PNOC: variants seen among roughly 807,000 people sequenced by gnomAD.
The protein encoded by PNOC is prepronociceptin.
In PNOC, 10 loss-of-function variants were observed where a neutral mutation model predicts 15.6. The observed-to-expected ratio is 0.64, with a 90% CI of 0.40 to 1.09. The LOEUF (loss-of-function observed/expected upper bound fraction) is 1.09. Ranked by LOEUF, PNOC falls within the 50% of genes least tolerant of loss-of-function variation. The probability of loss-of-function intolerance (pLI) is 0.01; values close to 1 mark genes in which losing one functional copy is unlikely to be tolerated. For synonymous variants in PNOC, 98 were observed against 88.5 expected, an observed-to-expected ratio of 1.11 and a Z score of -0.60; for missense variants, 220 against 223.9, an observed-to-expected ratio of 0.98 and a Z score of 0.11.
intron 2 of PNOC, among the ~76,000 whole-genome samples, chr8:28,330,917 G>A (rs746014079): frequency 3.3e-5 from 5 of 151,986 alleles, no homozygotes; most frequent in Non-Finnish European, 5.9e-5. Context: ...TTACTTTATA[G>A]TCAAATAACT....
chr8:28,320,280 G>A (rs775192328), intron 1 of PNOC, among the ~76,000 whole-genome samples: 4 of 150,962 alleles, frequency 2.6e-5, no homozygotes, highest in Non-Finnish European at 4.4e-5. Context: ...ACACTGGCCT[G>A]CAATCTTCCC....
intron 2 of PNOC, among the ~76,000 whole-genome samples, chr8:28,332,770 G>A (rs887860327): frequency 1.3e-5 from 2 of 152,278 alleles, no homozygotes; most frequent in African/African-American, 2.4e-5. Context: ...GGCCAACAAG[G>A]CGAAACCCTG....
chr8:28,339,472 C>A lies in PNOC; in HGVS notation c.*28C>A, dbSNP rs374441021. The stretch of plus-strand genomic sequence containing the variant: ...GGAAGGGGCGCTCCTCCCAGCTGTA[C>A]CGGCCACTGCAACCCATGAGTGAGT... On this transcript the variant is annotated 3_prime_UTR_variant, in exon 3 of 4. Coordinates refer to ENST00000301908, the MANE Select transcript of PNOC (RefSeq NM_006228.5). 9.3e-6 allele frequency: 14 copies of A among 1,507,868 alleles called. No individual in the cohort carries two copies. Among genetic ancestry groups the A allele is most frequent in the African/African-American group, 1.4e-5 (1 of 71,700 alleles). The allele number at this position is 1,507,868 out of a possible 1,614,324, so 93.4% of individuals were successfully genotyped here.
chr8:28,322,939 A>C (rs1801172437), intron 1 of PNOC, among the ~76,000 whole-genome samples: 1 of 152,224 alleles, frequency 6.6e-6, no homozygotes, highest in African/African-American at 2.4e-5. Context: ...ATGAATATAA[A>C]ATTTTTTGGT....
At chr8:28,318,990 G>A (rs184039038) in intron 1 of PNOC, among the ~76,000 whole-genome samples, 111 of 152,358 alleles carry the variant, frequency 7.3e-4, no homozygotes, top group Non-Finnish European at 1.5e-3. Context: ...CAATCAGGTA[G>A]TTACCGTCTA....
At chr8:28,337,022 A>T (rs1347754923) in intron 2 of PNOC, among the ~76,000 whole-genome samples, 1 of 152,150 alleles carries the variant, frequency 6.6e-6, no homozygotes, top group Admixed American at 6.5e-5. Flanking sequence ...ATCTAAAGTG[A>T]CAGCGGCTGA....
chr8:28,317,696 G>A (rs546458736), intron 1 of PNOC, among the ~76,000 whole-genome samples: 22 of 152,130 alleles, frequency 1.4e-4, no homozygotes, highest in African/African-American at 4.6e-4. Flanking sequence ...TGCCTTCCAC[G>A]GGGCGGCCCC....
At chr8:28,320,850 C>CAAAA (rs900121827) in intron 1 of PNOC, among the ~76,000 whole-genome samples, 5 of 57,996 alleles carry the variant, frequency 8.6e-5, no homozygotes, top group African/African-American at 6.5e-5. Context: ...GACTCCATCT[C>CAAAA]AAAAAAAAAA....
chr8:28,320,401 G>C (rs961505997), intron 1 of PNOC, among the ~76,000 whole-genome samples: 1 of 152,060 alleles, frequency 6.6e-6, no homozygotes, highest in Non-Finnish European at 1.5e-5. Context: ...TGGCCAGAGC[G>C]CTGGCTTCCT....
At chr8:28,331,760 A>G (rs940339977) in intron 2 of PNOC, among the ~76,000 whole-genome samples, 2 of 152,230 alleles carry the variant, frequency 1.3e-5, no homozygotes, top group African/African-American at 4.8e-5. Context: ...ACCCCAGTGG[A>G]GTGGGCCCTC....
chr8:28,330,560 C>CTTTTTTTTTTTTTTT (rs34364812), intron 2 of PNOC, among the ~76,000 whole-genome samples: 3 of 105,050 alleles, frequency 2.9e-5, no homozygotes, highest in Non-Finnish European at 5.9e-5. Flanking sequence ...CACCCGGCTA[C>CTTTTTTTTTTTTTTT]TTTTTTTTTT....
chr8:28,329,760 G>C (rs1801291178), intron 2 of PNOC, among the ~76,000 whole-genome samples: 2 of 151,528 alleles, frequency 1.3e-5, no homozygotes, highest in African/African-American at 4.9e-5. Flanking sequence ...ACTAACCATG[G>C]ATAGAAAATA....
At position 28,340,525 on chromosome 8, in the gene PNOC, T is replaced by G. The variant is rs539604763; in HGVS notation, c.*47+1034T>G. On this transcript the variant is annotated intron_variant, in intron 3 of 3. Transcript: ENST00000301908. ...AACCATCAAGGCTATGTGCCTTAAT[T>G]TGTATATGGGAATATGATCATCTGC... Among the ~76,000 whole-genome samples the G allele has an allele frequency of 3.3e-5, 5 of 152,340 alleles. No individual in the cohort carries two copies. In the South Asian group the frequency reaches 1.0e-3, roughly 32 times the overall value.
chr8:28,342,479 C>T (rs1452001264), intron 3 of PNOC, among the ~76,000 whole-genome samples: 1 of 152,136 alleles, frequency 6.6e-6, no homozygotes, highest in Non-Finnish European at 1.5e-5. Flanking sequence ...AGGGTTCTGC[C>T]TTCCTTTCCC....
At chr8:28,333,010 T>C (rs1801353390) in intron 2 of PNOC, among the ~76,000 whole-genome samples, 1 of 152,220 alleles carries the variant, frequency 6.6e-6, no homozygotes, top group Non-Finnish European at 1.5e-5. Flanking sequence ...CTGGTAGTTC[T>C]TTCTATCTTC....
chr8:28,334,524 C>T (rs1801381584), intron 2 of PNOC, among the ~76,000 whole-genome samples: 1 of 152,000 alleles, frequency 6.6e-6, no homozygotes, highest in Non-Finnish European at 1.5e-5. Flanking sequence ...TGAGACAGTC[C>T]CGTTCTGTCA....
chr8:28,324,515 C>A (rs532859163), intron 1 of PNOC, among the ~76,000 whole-genome samples: 14 of 152,244 alleles, frequency 9.2e-5, no homozygotes, highest in Non-Finnish European at 1.5e-4. Flanking sequence ...GGCACAGCCA[C>A]GCTGTTTGGA....
At chr8:28,319,042 TCAGCAGAGGTGATAATAA>T (rs1452293707) in intron 1 of PNOC, among the ~76,000 whole-genome samples, 25 of 152,152 alleles carry the variant, frequency 1.6e-4, no homozygotes, top group African/African-American at 6.0e-4. Flanking sequence ...TCTAGTAGAT[TCAGCAGAGGTGATAATAA>T]CAGCACTTTA....
At chr8:28,324,455 C>T (rs1304026545) in intron 1 of PNOC, among the ~76,000 whole-genome samples, 2 of 152,238 alleles carry the variant, frequency 1.3e-5, no homozygotes, top group Non-Finnish European at 2.9e-5. Context: ...TTTCTCCTCC[C>T]TTCCCTTTCT....
Sources: gnomAD v4.1 joint callset for allele counts (sites outside exome capture counted in the v4.1 genomes callset) on GRCh38, gnomAD v4.1.1 for gene constraint, MANE v1.5 for transcripts, NCBI Gene and HGNC (gene_info 2026-07-23, HGNC 2026-07-21) for gene names.